The following B3GLCT variants were observed in gnomAD, a reference collection of about 807,000 sequenced individuals.
B3GLCT encodes beta 3-glucosyltransferase, also known as beta-1,3-glucosyltransferase.
B3GLCT carries 65 observed loss-of-function variants against 63.4 expected under a neutral mutation model. The observed-to-expected ratio is 1.03, with a 90% CI of 0.84 to 1.26. The LOEUF is 1.26. Among genes scored for constraint, B3GLCT ranks in the 50% most tolerant of loss-of-function variants. The pLI is 0.00. For missense variants in B3GLCT, 577 were observed against 604.8 expected (o/e 0.95, Z 0.48); for synonymous variants, 233 against 219.2 (o/e 1.06, Z -0.55).
Position 31,200,147 on chromosome 13 carries a change from C to T in B3GLCT, c.63C>T (p.Cys21=). The change falls in exon 1 of 15, where the codon TGC becomes TGT. Residue 21 remains cysteine (C), a synonymous_variant. Transcript: ENST00000343307. ...APPALLALLT[C]SLAFGLASED... ...CGGCGCTGCTCGCGCTCCTCACCTGCTCCCTGGGTAAGTAGCGGGCGGCCA... is the reference window on the plus strand; with the variant it reads ...CGGCGCTGCTCGCGCTCCTCACCTGTTCCCTGGGTAAGTAGCGGGCGGCCA... 3.0e-6 allele frequency: 4 copies of T among 1,352,148 alleles called. No individual in the cohort carries two copies. The South Asian group carries it at 4.4e-5, about 15-fold the overall frequency. 83.8% of individuals were successfully genotyped at this position (1,352,148 alleles called of 1,614,324 possible).
At chr13:31,240,533 C>A (rs1035270389) in intron 4 of B3GLCT, among the ~76,000 whole-genome samples, 1 of 147,094 alleles carries the variant, frequency 6.8e-6, no homozygotes, top group African/African-American at 2.5e-5. Context: ...GCCAGGAGAG[C>A]TAGCAAAGCC....
At chr13:31,276,359 T>C (rs1430251185) in intron 9 of B3GLCT, among the ~76,000 whole-genome samples, 1 of 152,214 alleles carries the variant, frequency 6.6e-6, no homozygotes, top group Non-Finnish European at 1.5e-5. Flanking sequence ...GTAACTAACA[T>C]TTATTGGTCA....
chr13:31,240,084 C>T (rs1870850584), intron 4 of B3GLCT, among the ~76,000 whole-genome samples: 1 of 152,074 alleles, frequency 6.6e-6, no homozygotes. Context: ...TAGGCAGAAC[C>T]AGAGATACAT....
At chr13:31,245,440 T>A (rs893933195) in intron 4 of B3GLCT, among the ~76,000 whole-genome samples, 6 of 152,212 alleles carry the variant, frequency 3.9e-5, no homozygotes, top group African/African-American at 1.4e-4. Context: ...TATATCTCAT[T>A]GTTCTATCAT....
chr13:31,239,354 G>C (rs1870817100), intron 4 of B3GLCT, among the ~76,000 whole-genome samples: 1 of 152,110 alleles, frequency 6.6e-6, no homozygotes, highest in African/African-American at 2.4e-5. Flanking sequence ...GATCGAGACT[G>C]ACTATTTAAA....
At chr13:31,208,928 G>C (rs1298809487) in intron 1 of B3GLCT, among the ~76,000 whole-genome samples, 1 of 151,800 alleles carries the variant, frequency 6.6e-6, no homozygotes, top group Non-Finnish European at 1.5e-5. Context: ...TCCTGCCCGG[G>C]TCACCCCCTC....
intron 12 of B3GLCT, among the ~76,000 whole-genome samples, chr13:31,313,837 C>G (rs1001540357): frequency 2.0e-5 from 3 of 152,198 alleles, no homozygotes; most frequent in Admixed American, 6.5e-5. Flanking sequence ...CTCCGCATCA[C>G]AGGCCCAGAG....
chr13:31,241,625 C>T (rs1488006159), intron 4 of B3GLCT, among the ~76,000 whole-genome samples: 1 of 152,186 alleles, frequency 6.6e-6, no homozygotes, highest in Non-Finnish European at 1.5e-5. Context: ...ACATGGCCCC[C>T]TGAGAACATA....
At position 31,264,481 on chromosome 13, in the gene B3GLCT, G is replaced by GA. The variant is rs1039884733; in HGVS notation, c.596+3407dup. 6.6e-5 allele frequency among the ~76,000 whole-genome samples: 10 copies of GA among 151,162 alleles called. No individual in the cohort carries two copies. In the South Asian group the frequency reaches 1.1e-3, roughly 16 times the overall value. On this transcript the variant is annotated intron_variant, in intron 7 of 14. Coordinates refer to ENST00000343307, the MANE Select transcript of B3GLCT (RefSeq NM_194318.4). Reference sequence around the variant, plus strand: ...ACCTCCTCTCCCTTTCCTCTGCCAGGAAAAAAAAGCAAAATAAATATGCAG... The same window carrying GA: ...ACCTCCTCTCCCTTTCCTCTGCCAGGAAAAAAAAAGCAAAATAAATATGCAG...
chr13:31,231,138 G>A (rs1246060991), intron 4 of B3GLCT, among the ~76,000 whole-genome samples: 5 of 152,042 alleles, frequency 3.3e-5, no homozygotes, highest in African/African-American at 4.8e-5. Context: ...TCTTCCATCT[G>A]CTTTGCTGGA....
At chr13:31,235,008 G>A (rs895148543) in intron 4 of B3GLCT, among the ~76,000 whole-genome samples, 1 of 152,090 alleles carries the variant, frequency 6.6e-6, no homozygotes, top group African/African-American at 2.4e-5. Flanking sequence ...GCTGCACAGG[G>A]CGGGTTGCAG....
chr13:31,223,628 A>G (rs1160559980), intron 3 of B3GLCT, among the ~76,000 whole-genome samples: 20 of 152,198 alleles, frequency 1.3e-4, no homozygotes, highest in Admixed American at 1.3e-3. Context: ...TAGACTTTAA[A>G]AAAAAATTAA....
intron 7 of B3GLCT, among the ~76,000 whole-genome samples, chr13:31,268,107 A>G (rs946649028): frequency 1.3e-5 from 2 of 152,084 alleles, no homozygotes; most frequent in Non-Finnish European, 2.9e-5. Context: ...TTGCCTCCCA[A>G]AGTGCTGGGA....
chr13:31,225,115 C>G (rs1273865575), intron 3 of B3GLCT, among the ~76,000 whole-genome samples: 6 of 152,298 alleles, frequency 3.9e-5, no homozygotes, highest in East Asian at 1.9e-4. Context: ...TTATCTTCCC[C>G]TTTTAGCCTG....
intron 12 of B3GLCT, among the ~76,000 whole-genome samples, chr13:31,291,756 T>C (rs928339432): frequency 3.7e-4 from 57 of 152,244 alleles, no homozygotes; most frequent in Admixed American, 4.6e-4. Flanking sequence ...TCATGTCATC[T>C]GCAAACAGAG....
chr13:31,209,335 T>C (rs1437631727), intron 1 of B3GLCT, among the ~76,000 whole-genome samples: 2 of 152,224 alleles, frequency 1.3e-5, no homozygotes, highest in East Asian at 3.9e-4. Context: ...AACAAGTAAG[T>C]TGGCTATGCG....
chr13:31,202,580 G>C (rs950553611), intron 1 of B3GLCT, among the ~76,000 whole-genome samples: 7 of 152,166 alleles, frequency 4.6e-5, no homozygotes, highest in Admixed American at 3.9e-4. Context: ...TGGTGGGGTG[G>C]TGGTGGCAGC....
intron 7 of B3GLCT, among the ~76,000 whole-genome samples, chr13:31,262,547 A>G (rs186908973): frequency 6.5e-4 from 99 of 152,326 alleles, no homozygotes; most frequent in African/African-American, 2.4e-3. Flanking sequence ...AGAGGGGAAT[A>G]TGTTCTGCCC....
At chr13:31,253,960 A>G (rs531027473) in intron 6 of B3GLCT, among the ~76,000 whole-genome samples, 1 of 151,438 alleles carries the variant, frequency 6.6e-6, no homozygotes, top group South Asian at 2.1e-4. Flanking sequence ...TCCTGGACAC[A>G]TGCAAGACTA....
Sources: gnomAD v4.1 joint callset for allele counts (sites outside exome capture counted in the v4.1 genomes callset) on GRCh38, gnomAD v4.1.1 for gene constraint, MANE v1.5 for transcripts, NCBI Gene and HGNC (gene_info 2026-07-23, HGNC 2026-07-21) for gene names.